The following DIAPH2 variants were observed in gnomAD, a reference collection of about 807,000 sequenced individuals.
The protein encoded by DIAPH2 is diaphanous related formin 2.
Under a neutral mutation model 92.7 loss-of-function variants are expected in DIAPH2, and 35 were observed. That is an observed-to-expected ratio of 0.38 (90% confidence interval 0.29 to 0.50). DIAPH2 has a LOEUF of 0.50. Ranked by LOEUF, DIAPH2 falls within the 20% of genes least tolerant of loss-of-function variation. The probability of loss-of-function intolerance (pLI) is 0.94; values close to 1 mark genes in which losing one functional copy is unlikely to be tolerated. For missense variants in DIAPH2, 701 were observed against 819.5 expected, an observed-to-expected ratio of 0.86 and a Z score of 1.77; for synonymous variants, 301 against 280.4, an observed-to-expected ratio of 1.07 and a Z score of -0.73.
chrX:96,867,951 A>G (rs753938386), intron 4 of DIAPH2, among the ~76,000 whole-genome samples: 10 of 111,992 alleles, frequency 8.9e-5, no homozygotes, highest in African/African-American at 1.3e-4. Context: ...TCAAATATAC[A>G]TGTTAAATAC....
At chrX:97,114,467 C>G (rs1301421197) in intron 20 of DIAPH2, among the ~76,000 whole-genome samples, 1 of 112,042 alleles carries the variant, frequency 8.9e-6, no homozygotes, top group African/African-American at 3.2e-5. Flanking sequence ...TAACATATAG[C>G]AACTGTTCAG....
intron 25 of DIAPH2, among the ~76,000 whole-genome samples, chrX:97,404,864 A>G (rs947320342): frequency 2.7e-5 from 3 of 112,552 alleles, no homozygotes; most frequent in Non-Finnish European, 5.6e-5. Flanking sequence ...AAATTCTAAT[A>G]CACAGAAATA....
At chrX:96,791,638 G>A (rs928927694) in intron 4 of DIAPH2, among the ~76,000 whole-genome samples, 5 of 109,305 alleles carry the variant, frequency 4.6e-5, no homozygotes, top group Non-Finnish European at 9.5e-5. Flanking sequence ...TTTCTGCAGT[G>A]CAGTTCTTTG....
At chrX:97,286,133 C>T (rs1360153425) in intron 23 of DIAPH2, among the ~76,000 whole-genome samples, 3 of 106,227 alleles carry the variant, frequency 2.8e-5, no homozygotes, top group Admixed American at 1.0e-4. Context: ...TTCTGCCTCC[C>T]GGGTTCAAGC....
At chrX:97,501,190 C>A (rs769485271) in intron 26 of DIAPH2, among the ~76,000 whole-genome samples, 14 of 110,739 alleles carry the variant, frequency 1.3e-4, no homozygotes, top group Non-Finnish European at 2.1e-4. Flanking sequence ...GTCAGATTGA[C>A]AGACCACACT....
intron 22 of DIAPH2, among the ~76,000 whole-genome samples, chrX:97,145,283 A>AGTAGTAGTG (rs1184314925): frequency 1.7e-3 from 1 of 599 alleles, no homozygotes; most frequent in African/African-American, 2.0e-3. Flanking sequence ...AACTACTACC[A>AGTAGTAGTG]GTAGTAGTAG....
intron 22 of DIAPH2, among the ~76,000 whole-genome samples, chrX:97,226,767 T>A (rs1171222163): frequency 8.9e-6 from 1 of 112,103 alleles, no homozygotes; most frequent in Non-Finnish European, 1.9e-5. Context: ...GCAGAAATGT[T>A]TGTGTATTTG....
At chrX:97,584,189 C>T (rs1246485182) in intron 26 of DIAPH2, among the ~76,000 whole-genome samples, 3 of 111,911 alleles carry the variant, frequency 2.7e-5, no homozygotes, top group South Asian at 3.7e-4. Context: ...CGGCCATCTT[C>T]GAGAAGACTG....
rs576522311 is a variant in DIAPH2, at chrX:97,416,924, G to A, written c.3146-12726G>A. Among the ~76,000 whole-genome samples the A allele has an allele frequency of 1.6e-4, 18 of 112,351 alleles. No homozygotes were observed. The South Asian group carries it at 4.9e-3, about 30-fold the overall frequency. On this transcript the variant is annotated intron_variant, in intron 25 of 26. Coordinates refer to ENST00000324765, the MANE Select transcript of DIAPH2 (RefSeq NM_006729.5). ...TGGATCTAATTTCTCTAAGGAAAAA[G>A]AGGGGCAGGGGAAGTGAGTGGTGCC...
At chrX:97,116,413 T>C (rs2067017203) in intron 21 of DIAPH2, among the ~76,000 whole-genome samples, 1 of 112,069 alleles carries the variant, frequency 8.9e-6, no homozygotes. Flanking sequence ...TTTGGGGACA[T>C]GTAAAATCAT....
intron 22 of DIAPH2, among the ~76,000 whole-genome samples, chrX:97,161,194 T>G (rs1249307342): frequency 9.1e-6 from 1 of 109,775 alleles, no homozygotes; most frequent in Non-Finnish European, 1.9e-5. Flanking sequence ...TTTCTAGTTA[T>G]GTATGTGATT....
intron 8 of DIAPH2, among the ~76,000 whole-genome samples, chrX:96,918,285 G>A (rs554803370): frequency 4.5e-5 from 5 of 111,202 alleles, no homozygotes; most frequent in Middle Eastern, 4.6e-3. Context: ...GTAAGTAGGC[G>A]AGGCAATATA....
At chrX:96,702,238 G>A (rs1235502225) in intron 1 of DIAPH2, among the ~76,000 whole-genome samples, 1 of 112,060 alleles carries the variant, frequency 8.9e-6, no homozygotes, top group Non-Finnish European at 1.9e-5. Context: ...GCTGTATCTG[G>A]TTAGTTTTAT....
chrX:96,997,784 A>G (rs1243420632), intron 17 of DIAPH2, among the ~76,000 whole-genome samples: 1 of 111,704 alleles, frequency 9.0e-6, no homozygotes, highest in Non-Finnish European at 1.9e-5. Context: ...AGAATCTTCA[A>G]TGTCTTGTGT....
chrX:97,588,465 C>A (rs1243801780), intron 26 of DIAPH2, among the ~76,000 whole-genome samples: 1 of 103,566 alleles, frequency 9.7e-6, no homozygotes, highest in Non-Finnish European at 2.0e-5. Context: ...AAAGGACAGA[C>A]TTTTTTTTTT....
At chrX:97,033,205 A>C (rs973888250) in intron 17 of DIAPH2, among the ~76,000 whole-genome samples, 15 of 112,410 alleles carry the variant, frequency 1.3e-4, no homozygotes, top group African/African-American at 4.8e-4. Flanking sequence ...TCTAGACTAG[A>C]TATCCATTCC....
At chrX:97,053,267 A>G (rs1281121793) in intron 17 of DIAPH2, among the ~76,000 whole-genome samples, 1 of 111,588 alleles carries the variant, frequency 9.0e-6, no homozygotes, top group Non-Finnish European at 1.9e-5. Flanking sequence ...TATCTCTCTA[A>G]GTTTATCTTT....
At chrX:97,376,086 GA>G (rs2069497398) in intron 24 of DIAPH2, among the ~76,000 whole-genome samples, 1 of 105,859 alleles carries the variant, frequency 9.4e-6, no homozygotes, top group Non-Finnish European at 1.9e-5. Flanking sequence ...CAGAACTAGA[GA>G]TGTTTAAAAA....
chrX:96,954,563 A>G (rs769677888), intron 15 of DIAPH2, among the ~76,000 whole-genome samples: 5 of 112,012 alleles, frequency 4.5e-5, no homozygotes, highest in Non-Finnish European at 9.4e-5. Flanking sequence ...TCATGAAAAG[A>G]CAGTCTTTTA....
Sources: allele counts gnomAD v4.1 joint callset (sites outside exome capture counted in the v4.1 genomes callset), GRCh38; gene constraint gnomAD v4.1.1; transcripts MANE v1.5; gene names NCBI Gene and HGNC (gene_info 2026-07-23, HGNC 2026-07-21).